The following KIAA1217 variants were observed in gnomAD, a reference collection of about 807,000 sequenced individuals.
KIAA1217 encodes KIAA1217, also known as sickle tail protein homolog.
KIAA1217 carries 88 observed loss-of-function variants against 163.9 expected under a neutral mutation model. The observed-to-expected ratio is 0.54, with a 90% CI of 0.45 to 0.64. KIAA1217 has a LOEUF of 0.64. Among genes scored for constraint, KIAA1217 ranks in the 30% least tolerant of loss-of-function variants. KIAA1217 has a pLI of 0.00. For missense variants in KIAA1217, 2,372 were observed against 2,475.0 expected (o/e 0.96, Z 0.88); for synonymous variants, 903 against 923.1 (o/e 0.98, Z 0.39).
Position 24,544,071 on chromosome 10 carries a change from C to T in KIAA1217, c.4801C>T (p.Gln1601Ter). ...AACTAAAACAGGGAAGAAGACTTTG[C>T]AAGTGGTAGTCTATGAAGAAGAGGA... is the stretch of plus-strand genomic sequence containing the variant. ...TGTKTGKKTLQVVVYEEEEED... is the reference protein window; with the variant it reads ...TGTKTGKKTL The change falls in exon 19 of 21, where the codon CAA (glutamine) becomes TAA (stop). Residue 1601 changes from glutamine to a stop codon, truncating the protein, a stop_gained. Transcript: ENST00000376454. LOFTEE classifies it high-confidence loss of function. The T allele has an allele frequency of 6.2e-7, 1 of 1,614,084 alleles. No homozygotes were observed. Among genetic ancestry groups the T allele is most frequent in the Non-Finnish European group, 8.5e-7 (1 of 1,180,016 alleles).
At chr10:23,779,360 C>A (rs892973292) in intron 1 of KIAA1217, among the ~76,000 whole-genome samples, 4 of 152,192 alleles carry the variant, frequency 2.6e-5, no homozygotes, top group African/African-American at 9.7e-5. Context: ...CTCCCTTTGT[C>A]TGGAGTTAGT....
chr10:23,809,912 ATTCAGTAGAAACC>A (rs1213722441), intron 1 of KIAA1217, among the ~76,000 whole-genome samples: 1 of 152,026 alleles, frequency 6.6e-6, no homozygotes, highest in Non-Finnish European at 1.5e-5. Flanking sequence ...AGCAATAAAC[ATTCAGTAGAAACC>A]ATACTTCAAG....
At chr10:23,715,941 C>G (rs2130748092) in intron 1 of KIAA1217, among the ~76,000 whole-genome samples, 1 of 152,176 alleles carries the variant, frequency 6.6e-6, no homozygotes, top group Middle Eastern at 3.4e-3. Context: ...ACACATTGCA[C>G]CAATTTGCAA....
intron 1 of KIAA1217, among the ~76,000 whole-genome samples, chr10:23,802,283 C>T (rs376884153): frequency 7.2e-5 from 11 of 152,166 alleles, no homozygotes; most frequent in African/African-American, 1.4e-4. Flanking sequence ...GGAACATCTA[C>T]GGTGTCTGTT....
intron 1 of KIAA1217, among the ~76,000 whole-genome samples, chr10:23,947,397 T>A (rs1235419466): frequency 1.3e-5 from 2 of 152,224 alleles, no homozygotes; most frequent in Non-Finnish European, 2.9e-5. Context: ...CAATTTCCCA[T>A]TTCTTTGACT....
intron 2 of KIAA1217, among the ~76,000 whole-genome samples, chr10:24,341,171 C>G (rs776345771): frequency 6.6e-6 from 1 of 152,196 alleles, no homozygotes; most frequent in Non-Finnish European, 1.5e-5. Flanking sequence ...GCATTCTCCC[C>G]GGGCTGAAGT....
intron 1 of KIAA1217, among the ~76,000 whole-genome samples, chr10:23,883,573 A>G (rs1356568874): frequency 6.6e-6 from 1 of 151,866 alleles, no homozygotes; most frequent in Non-Finnish European, 1.5e-5. Context: ...TCCCATTAGC[A>G]ACGTTCTCCA....
chr10:24,403,651 A>G (rs61848136), intron 3 of KIAA1217, among the ~76,000 whole-genome samples: 23,869 of 152,206 alleles, frequency 0.16, 2,294 homozygotes, highest in South Asian at 0.28. Context: ...TTAAAACTCA[A>G]TAGTGAAAAA....
rs1564755545 is a variant in KIAA1217, at chr10:24,147,859, A to AAAAAAAG, written c.-170-71764_-170-71763insAAAGAAA. 3.5e-4 allele frequency among the ~76,000 whole-genome samples: 51 copies of AAAAAAAG among 146,080 alleles called. 1 individual carries two copies. The highest frequency in any genetic ancestry group is 1.3e-3 in the African/African-American group (49 of 38,612). On this transcript the variant is annotated intron_variant, in intron 2 of 18. Transcript: ENST00000376462. ...AAAAAAAAAAAAAAAAAAAAAAAAAAAAAGAAAGAAAGAGAAAAGAAAAGA... is the reference window on the plus strand; with the variant it reads ...AAAAAAAAAAAAAAAAAAAAAAAAAAAAAAAAGAAAGAAAGAAAGAGAAAAGAAAAGA...
rs546621230 is a variant in KIAA1217, at chr10:23,996,854, C to T, written c.-320-10371C>T. On this transcript the variant is annotated intron_variant, in intron 1 of 18. Coordinates refer to the KIAA1217 transcript ENST00000376462. ...GAGATGCTAGTTTACCCTTGTATTG[C>T]GGAAACTCCAACAATACTTAACTAG... Among the ~76,000 whole-genome samples the T allele has an allele frequency of 3.9e-5, 6 of 152,240 alleles. No homozygotes were observed. In the South Asian group the frequency reaches 6.2e-4, roughly 16 times the overall value.
intron 2 of KIAA1217, among the ~76,000 whole-genome samples, chr10:24,336,066 C>A (rs749684250): frequency 1.3e-5 from 2 of 152,160 alleles, no homozygotes; most frequent in Admixed American, 6.5e-5. Context: ...CATGGTGAAA[C>A]CCTGTCTCTA....
chr10:24,078,367 G>A (rs1426607764), intron 2 of KIAA1217, among the ~76,000 whole-genome samples: 6 of 152,138 alleles, frequency 3.9e-5, no homozygotes, highest in East Asian at 1.9e-4. Flanking sequence ...GAGAAAGAAC[G>A]TGCAGCTGAG....
chr10:24,316,058 T>C (rs1337912771), intron 2 of KIAA1217, among the ~76,000 whole-genome samples: 1 of 152,130 alleles, frequency 6.6e-6, no homozygotes. Context: ...AGAGATGCAT[T>C]GTGGAGCCCA....
At chr10:24,536,158 G>T (rs570595569) in intron 16 of KIAA1217, among the ~76,000 whole-genome samples, 1 of 152,266 alleles carries the variant, frequency 6.6e-6, no homozygotes, top group Non-Finnish European at 1.5e-5. Context: ...CCAACAGTTG[G>T]CTCTTATAGT....
chr10:24,102,905 G>T lies in KIAA1217; in HGVS notation c.-171+95531G>T, dbSNP rs183628473. 2.2e-3 allele frequency among the ~76,000 whole-genome samples: 338 copies of T among 152,228 alleles called. 3 individuals are homozygous for T. The highest frequency in any genetic ancestry group is 1.8e-3 in the Non-Finnish European group (120 of 68,012). On this transcript the variant is annotated intron_variant, in intron 2 of 18. Coordinates refer to the KIAA1217 transcript ENST00000376462. ...GGGAGGTAATTGAATCATGGGAGCGGGTTTTTCCCGTACTGTGCTCAGGGC... is the reference window on the plus strand; with the variant it reads ...GGGAGGTAATTGAATCATGGGAGCGTGTTTTTCCCGTACTGTGCTCAGGGC...
intron 4 of KIAA1217, among the ~76,000 whole-genome samples, chr10:24,435,924 G>T (rs893159488): frequency 6.6e-6 from 1 of 151,704 alleles, no homozygotes. Context: ...GCAGTGGCAT[G>T]ATCTCAGTTC....
chr10:24,478,871 A>G (rs1405060497), intron 6 of KIAA1217, among the ~76,000 whole-genome samples: 1 of 152,218 alleles, frequency 6.6e-6, no homozygotes, highest in Non-Finnish European at 1.5e-5. Context: ...CCTTTAGTGA[A>G]ATAACACTCA....
intron 2 of KIAA1217, among the ~76,000 whole-genome samples, 193 bp from the exon 3 acceptor site, chr10:24,380,676 T>C (rs1032008849): frequency 6.6e-6 from 1 of 152,000 alleles, no homozygotes. Context: ...TTAAGGGCAA[T>C]GTTATTTTCC....
At chr10:23,710,837 G>A (rs2130734436) in intron 1 of KIAA1217, among the ~76,000 whole-genome samples, 1 of 152,322 alleles carries the variant, frequency 6.6e-6, no homozygotes, top group African/African-American at 2.4e-5. Context: ...TGGGTACAAT[G>A]AGTATAGGGA....
Sources: allele counts gnomAD v4.1 joint callset (sites outside exome capture counted in the v4.1 genomes callset), GRCh38; gene constraint gnomAD v4.1.1; transcripts MANE v1.5; gene names NCBI Gene and HGNC (gene_info 2026-07-23, HGNC 2026-07-21).